MYOM1: variants seen among roughly 807,000 people sequenced by gnomAD.
MYOM1 encodes the protein myomesin-1.
A neutral mutation model predicts 205.3 loss-of-function variants in MYOM1; 164 were observed. The observed-to-expected ratio is 0.80, with a 90% CI of 0.70 to 0.91. The LOEUF (loss-of-function observed/expected upper bound fraction) is 0.91, where lower values mean the gene tolerates loss of function less well. MYOM1 is among the 40% of genes least tolerant of loss of function. The probability of loss-of-function intolerance (pLI) is 0.00; values close to 1 mark genes in which losing one functional copy is unlikely to be tolerated. For missense variants in MYOM1, 2,011 were observed against 2,127.3 expected, an observed-to-expected ratio of 0.95 and a Z score of 1.08; for synonymous variants, 772 against 789.4, an observed-to-expected ratio of 0.98 and a Z score of 0.37.
chr18:3,232,105 G>C, the MYOM1 span, among the ~76,000 whole-genome samples: 7 of 151,536 alleles, frequency 4.6e-5, 1 homozygote, highest in South Asian at 1.5e-3. Flanking sequence ...TGAGGCTGGC[G>C]GATCACCTAA....
At chr18:3,225,528 GC>G in the MYOM1 span, among the ~76,000 whole-genome samples, 1 of 152,176 alleles carries the variant, frequency 6.6e-6, no homozygotes, top group South Asian at 2.1e-4. Flanking sequence ...CTCTGTTGAA[GC>G]TCCCAATACA....
chr18:3,226,201 G>A, the MYOM1 span, among the ~76,000 whole-genome samples: 2 of 152,154 alleles, frequency 1.3e-5, no homozygotes, highest in Non-Finnish European at 2.9e-5. The surrounding 1 kb of genome is among the most constrained non-coding windows in gnomAD (Gnocchi z 4.6). Flanking sequence ...AGCATGAGTG[G>A]TGCACGGGTT....
In MYOM1 at chr18:3,188,746, AC is replaced by A. The variant is rs766507036; in HGVS notation, c.771+1del. The A allele has an allele frequency of 1.3e-6, 2 of 1,562,760 alleles. No individual in the cohort carries two copies. Among genetic ancestry groups the A allele is most frequent in the Non-Finnish European group, 1.7e-6 (2 of 1,153,832 alleles). ...AAGTTACTTTAAACTGTCTTTTCTT[AC>A]TGTTTTCCTCAGGGACAGGCGTTCT... On this transcript the variant is annotated splice_donor_variant, in intron 4 of 37. Coordinates refer to ENST00000356443, the MANE Select transcript of MYOM1 (RefSeq NM_003803.4). LOFTEE classifies it high-confidence loss of function.
chr18:3,124,126 C>T (rs1317933256), intron 19 of MYOM1, among the ~76,000 whole-genome samples: 1 of 151,334 alleles, frequency 6.6e-6, no homozygotes, highest in Non-Finnish European at 1.5e-5. Context: ...TGCGAGCCAC[C>T]ATGCCCGGCC....
intron 2 of MYOM1, among the ~76,000 whole-genome samples, chr18:3,206,286 T>A (rs137938675): frequency 6.6e-6 from 1 of 152,234 alleles, no homozygotes; most frequent in East Asian, 1.9e-4. Context: ...AAAAACTTCA[T>A]CTTTACATAT....
At chr18:3,104,722 C>T (rs1031121328) in intron 22 of MYOM1, among the ~76,000 whole-genome samples, 3 of 150,156 alleles carry the variant, frequency 2.0e-5, no homozygotes, top group African/African-American at 7.3e-5. Context: ...TAGTATGCTG[C>T]ACACTCACCA....
intron 30 of MYOM1, among the ~76,000 whole-genome samples, chr18:3,085,420 C>A (rs982853415): frequency 2.0e-5 from 3 of 151,862 alleles, no homozygotes; most frequent in African/African-American, 4.8e-5. Flanking sequence ...CTGCTATCTG[C>A]ATTTTTAAAG....
At chr18:3,186,800 A>AAG (rs752680596) in intron 5 of MYOM1, among the ~76,000 whole-genome samples, 2 of 83,952 alleles carry the variant, frequency 2.4e-5, no homozygotes, top group Admixed American at 1.1e-4. Flanking sequence ...GAAAGAAAGA[A>AAG]AGAGAAAGAA....
At position 3,135,737 on chromosome 18, in the gene MYOM1, C is replaced by G; in HGVS notation, c.2026-7G>C. 2 of 1,613,644 alleles carry G rather than the reference C, an allele frequency of 1.2e-6. No individual in the cohort carries two copies. Among genetic ancestry groups the G allele is most frequent in the Admixed American group, 1.7e-5 (1 of 59,974 alleles). On this transcript the variant is annotated splice_polypyrimidine_tract_variant and splice_region_variant and intron_variant, in intron 14 of 37. Coordinates refer to ENST00000356443, the MANE Select transcript of MYOM1 (RefSeq NM_003803.4). This position sits in a 1 kb window ranked among gnomAD's most constrained non-coding sequence, Gnocchi z 4.1. ...TTTCTGTTCCTGCCTCACACTGCAG[C>G]AAGAACAGGGAAACCCATTGAAAGC...
intron 22 of MYOM1, among the ~76,000 whole-genome samples, chr18:3,111,754 G>A (rs1168724468): frequency 6.6e-6 from 1 of 152,106 alleles, no homozygotes; most frequent in African/African-American, 2.4e-5. Context: ...ATCCTCAATG[G>A]CTTCTTTTGT....
At chr18:3,238,378 G>T in the MYOM1 span, among the ~76,000 whole-genome samples, 1 of 152,080 alleles carries the variant, frequency 6.6e-6, no homozygotes, top group South Asian at 2.1e-4. Context: ...ACCTGGGGGA[G>T]GGGGGAGGCA....
chr18:3,181,232 G>A (rs534164255), intron 5 of MYOM1, among the ~76,000 whole-genome samples: 1 of 152,146 alleles, frequency 6.6e-6, no homozygotes, highest in African/African-American at 2.4e-5. Context: ...GGCCAAAGAT[G>A]ATCTTTAATA....
At chr18:3,166,607 C>T (rs376647541) in intron 9 of MYOM1, among the ~76,000 whole-genome samples, 168 of 152,202 alleles carry the variant, frequency 1.1e-3, no homozygotes, top group African/African-American at 3.8e-3. Flanking sequence ...CTTTCACTAA[C>T]TAATTATGTA....
intron 32 of MYOM1, 30 bp downstream of exon 32, chr18:3,083,959 C>A: frequency 6.3e-7 from 1 of 1,585,312 alleles, no homozygotes; most frequent in Non-Finnish European, 8.6e-7. Flanking sequence ...GATCATAAAG[C>A]ATTGTTGTGG....
At chr18:3,155,252 C>G (rs535472175) in intron 10 of MYOM1, among the ~76,000 whole-genome samples, 164 bp from the exon 11 acceptor site, 1 of 152,148 alleles carries the variant, frequency 6.6e-6, no homozygotes, top group Admixed American at 6.5e-5. Context: ...GACGGAGTCT[C>G]GCTCTGTCAC....
chr18:3,215,204 T>G lies in MYOM1; in HGVS notation c.20A>C (p.Gln7Pro). MSLPFY[Q>P]RCHQHYDLSY... Reference sequence around the variant, plus strand: ...GAGATCATAGTGCTGGTGGCACCTCTGATAAAAAGGCAAAGACATCCTGTG... The same window carrying G: ...GAGATCATAGTGCTGGTGGCACCTCGGATAAAAAGGCAAAGACATCCTGTG... Residue 7 changes from glutamine to proline, a missense_variant, in exon 2 of 38, where the codon CAG becomes CCG. By Grantham distance (76) the Gln-to-Pro change is moderately conservative (BLOSUM62 -1). Transcript: ENST00000356443. 6.2e-7 allele frequency: 1 copy of G among 1,611,696 alleles called. No individual in the cohort carries two copies. Among genetic ancestry groups the G allele is most frequent in the Non-Finnish European group, 8.5e-7 (1 of 1,178,822 alleles).
chr18:3,227,770 C>T, the MYOM1 span, among the ~76,000 whole-genome samples: 4 of 151,818 alleles, frequency 2.6e-5, no homozygotes, highest in African/African-American at 7.3e-5. Context: ...AGTGAGCCAT[C>T]GAGCCACTGC....
intron 21 of MYOM1, among the ~76,000 whole-genome samples, chr18:3,114,806 C>T (rs531208492): frequency 3.5e-4 from 53 of 152,084 alleles, no homozygotes; most frequent in South Asian, 6.2e-4. Context: ...TAAGAACTCT[C>T]CTTACGGAAG....
intron 19 of MYOM1, among the ~76,000 whole-genome samples, chr18:3,124,178 T>C (rs1359403022): frequency 2.0e-5 from 3 of 151,410 alleles, no homozygotes; most frequent in Non-Finnish European, 2.9e-5. Context: ...AGTCACCCAC[T>C]GTTACACAAA....
Sources: allele counts gnomAD v4.1 joint callset (sites outside exome capture counted in the v4.1 genomes callset), GRCh38; gene constraint gnomAD v4.1.1; non-coding constraint Gnocchi (gnomAD v3.1); transcripts MANE v1.5; gene names NCBI Gene and HGNC (gene_info 2026-07-23, HGNC 2026-07-21).